Variants in NRP1 observed in about 807,000 individuals in gnomAD.
The protein encoded by NRP1 is neuropilin-1.
Under a neutral mutation model 106.7 loss-of-function variants are expected in NRP1, and 35 were observed. That is an observed-to-expected ratio of 0.33 (90% CI 0.25 to 0.43). The LOEUF (loss-of-function observed/expected upper bound fraction) is 0.43, where lower values mean the gene tolerates loss of function less well. NRP1 is among the 20% of genes least tolerant of loss of function. NRP1 has a pLI of 1.00. For synonymous variants in NRP1, 437 were observed against 417.9 expected (o/e 1.05, Z -0.56); for missense variants, 1,024 against 1,170.4 (o/e 0.87, Z 1.83).
Position 33,207,622 on chromosome 10 carries a change from G to A in NRP1, c.1709C>T (p.Thr570Ile). Residue 570 changes from threonine to isoleucine, a missense_variant, in exon 10 of 17, where the codon ACT becomes ATT. Coordinates refer to ENST00000374867, the MANE Select transcript of NRP1 (RefSeq NM_003873.7). The part of the protein sequence containing the change: ...RFIRIYPERA[T>I]HGGLGLRMEL... The stretch of plus-strand genomic sequence containing the variant: ...CATTCTGAGCCCCAGTCCGCCATGA[G>A]TGGCTCTCTCGGGGTAGATCCTGAT... 2 of 1,614,206 alleles carry A rather than the reference G, an allele frequency of 1.2e-6. No homozygotes were observed. The highest frequency in any genetic ancestry group is 1.1e-5 in the South Asian group (1 of 91,076).
In NRP1 at chr10:33,186,509, G is replaced by A. The variant is rs748137926; in HGVS notation, c.2063-21C>T. 6.3e-6 allele frequency: 10 copies of A among 1,588,796 alleles called. No homozygotes were observed. The Middle Eastern group carries it at 6.7e-4, about 107-fold the overall frequency. The stretch of plus-strand genomic sequence containing the variant: ...ATCTCCTGCTGTGACAAAGAACTGT[G>A]TTAGGGAGAGTGGCCAGGATTACCA... On this transcript the variant is annotated intron_variant, in intron 13 of 16. Transcript: ENST00000374867.
chr10:33,239,788 C>T (rs897184889), intron 6 of NRP1, among the ~76,000 whole-genome samples: 3 of 152,168 alleles, frequency 2.0e-5, no homozygotes, highest in Admixed American at 6.5e-5. Context: ...CTCACTCAAA[C>T]CTCGTCTCAA....
intron 2 of NRP1, among the ~76,000 whole-genome samples, chr10:33,285,731 G>T (rs1844478888): frequency 6.6e-6 from 1 of 152,106 alleles, no homozygotes; most frequent in Admixed American, 6.6e-5. Flanking sequence ...TACTCTGGAG[G>T]CTGAGGCAGG....
chr10:33,222,535 A>ATTTATTTATTTT (rs1213013370), intron 7 of NRP1, among the ~76,000 whole-genome samples: 13,718 of 120,152 alleles, frequency 0.11, 760 homozygotes, highest in South Asian at 0.15. Flanking sequence ...TTATTTATTT[A>ATTTATTTATTTT]TTTAAGATGG....
intron 11 of NRP1, chr10:33,201,177 A>G (rs1837275918): frequency 6.6e-6 from 1 of 152,128 alleles, no homozygotes; most frequent in African/African-American, 2.4e-5. Flanking sequence ...GTGGTTTGTA[A>G]CTCGCTGCCA....
At chr10:33,194,109 A>G (rs1246881273) in intron 12 of NRP1, among the ~76,000 whole-genome samples, 1 of 152,192 alleles carries the variant, frequency 6.6e-6, no homozygotes, top group African/African-American at 2.4e-5. Flanking sequence ...AGGCATGGGA[A>G]ACCCTCTCCA....
intron 12 of NRP1, chr10:33,195,320 G>C: frequency 2.8e-6 from 1 of 355,558 alleles, no homozygotes; most frequent in South Asian, 2.3e-5. Context: ...GAGGGTTAGA[G>C]CTCTCGCCAG....
intron 13 of NRP1, among the ~76,000 whole-genome samples, chr10:33,188,931 A>ATG (rs1836216241): frequency 7.0e-6 from 1 of 143,044 alleles, no homozygotes; most frequent in Non-Finnish European, 1.5e-5. Context: ...ATATATATAT[A>ATG]TATATAAATT....
At chr10:33,282,441 C>CCTAAT (rs1747142455) in intron 2 of NRP1, among the ~76,000 whole-genome samples, 1 of 152,134 alleles carries the variant, frequency 6.6e-6, no homozygotes. Context: ...TTAAAATCCT[C>CCTAAT]CTGATTAATT....
intron 6 of NRP1, among the ~76,000 whole-genome samples, chr10:33,239,621 T>C (rs879570859): frequency 2.6e-5 from 4 of 152,230 alleles, no homozygotes; most frequent in Non-Finnish European, 5.9e-5. Flanking sequence ...AACTGATGAA[T>C]TTCACTGGCT....
chr10:33,277,994 G>A (rs188640901), intron 2 of NRP1, among the ~76,000 whole-genome samples: 8 of 151,898 alleles, frequency 5.3e-5, no homozygotes, highest in African/African-American at 1.7e-4. Flanking sequence ...CTAAAACTCC[G>A]TTTTTCTTAC....
At chr10:33,319,568 TTTTC>T (rs1293392507) in intron 2 of NRP1, among the ~76,000 whole-genome samples, 85 of 148,754 alleles carry the variant, frequency 5.7e-4, no homozygotes, top group African/African-American at 1.2e-3. Context: ...CATCTTTTTT[TTTTC>T]TTTCTTTCTT....
At chr10:33,315,009 G>A (rs1846918919) in intron 2 of NRP1, among the ~76,000 whole-genome samples, 1 of 152,238 alleles carries the variant, frequency 6.6e-6, no homozygotes, top group African/African-American at 2.4e-5. Context: ...GAGCCCAGAT[G>A]TGAATATACA....
At chr10:33,245,383 C>T (rs1841341112) in intron 6 of NRP1, among the ~76,000 whole-genome samples, 1 of 152,156 alleles carries the variant, frequency 6.6e-6, no homozygotes, top group South Asian at 2.1e-4. Context: ...TCCTATCTTG[C>T]ACAGGTCAAT....
chr10:33,289,262 A>G (rs1183055677), intron 2 of NRP1, among the ~76,000 whole-genome samples: 1 of 152,146 alleles, frequency 6.6e-6, no homozygotes, highest in Admixed American at 6.5e-5. Context: ...TAAACCTTAT[A>G]AAAATAGCCA....
intron 5 of NRP1, among the ~76,000 whole-genome samples, chr10:33,254,921 G>A (rs1225717143): frequency 2.0e-5 from 3 of 152,168 alleles, no homozygotes; most frequent in Non-Finnish European, 2.9e-5. Context: ...CTGGAGGGAG[G>A]GGCCTTCAGC....
intron 2 of NRP1, among the ~76,000 whole-genome samples, chr10:33,324,365 A>G (rs1847739361): frequency 6.6e-6 from 1 of 152,202 alleles, no homozygotes; most frequent in Non-Finnish European, 1.5e-5. Flanking sequence ...TCTCACATTG[A>G]GAAGTCACCA....
At chr10:33,245,768 T>TCTTAAA (rs58616173) in intron 6 of NRP1, among the ~76,000 whole-genome samples, 26,695 of 152,020 alleles carry the variant, frequency 0.18, 2,744 homozygotes, top group East Asian at 0.51. Context: ...TCCCTTTTAG[T>TCTTAAA]CTTAAAGTTG....
chr10:33,330,648 T>G (rs1175292912), intron 2 of NRP1, 60 bp downstream of exon 2: 2 of 1,455,076 alleles, frequency 1.4e-6, no homozygotes, highest in Non-Finnish European at 1.9e-6. Flanking sequence ...TTCCCCCCCG[T>G]AGACAGGCGT....
Sources: allele counts gnomAD v4.1 joint callset (sites outside exome capture counted in the v4.1 genomes callset), GRCh38; gene constraint gnomAD v4.1.1; transcripts MANE v1.5; gene names NCBI Gene and HGNC (gene_info 2026-07-23, HGNC 2026-07-21).